The following ROBO1 variants were observed in gnomAD, a reference collection of about 807,000 sequenced individuals.
The protein encoded by ROBO1 is roundabout homolog 1.
In ROBO1, 149 loss-of-function variants were observed where a neutral mutation model predicts 195.9. The ratio of observed to expected loss-of-function variants is 0.76; its 90% CI spans 0.67 to 0.87. The LOEUF is 0.87. ROBO1 is among the 40% of genes least tolerant of loss of function. The probability of loss-of-function intolerance (pLI) is 0.00; values close to 1 mark genes in which losing one functional copy is unlikely to be tolerated. For missense variants in ROBO1, 1,933 were observed against 2,068.3 expected, an observed-to-expected ratio of 0.93 and a Z score of 1.27; for synonymous variants, 816 against 733.2, an observed-to-expected ratio of 1.11 and a Z score of -1.82.
At position 79,434,269 on chromosome 3, in the gene ROBO1, A is replaced by G. The variant is rs575306531; in HGVS notation, c.88+155555T>C. Among the ~76,000 whole-genome samples, 6 of 152,270 alleles carry G rather than the reference A, an allele frequency of 3.9e-5. No individual in the cohort carries two copies. The East Asian group carries it at 1.2e-3, about 29-fold the overall frequency. On this transcript the variant is annotated intron_variant, in intron 2 of 30. Coordinates refer to ENST00000464233, the MANE Select transcript of ROBO1 (RefSeq NM_002941.4). The stretch of plus-strand genomic sequence containing the variant: ...CACAGCAAAAGAAACTATCATCAGA[A>G]TGAACAGGCAACCTACAGAATGGGA...
intron 24 of ROBO1, among the ~76,000 whole-genome samples, chr3:78,632,211 T>A (rs919439775): frequency 1.3e-5 from 2 of 152,224 alleles, no homozygotes; most frequent in African/African-American, 4.8e-5. Context: ...TTTTTAACCC[T>A]ATCCAATCCT....
chr3:79,354,944 G>C (rs2035484037), intron 2 of ROBO1, among the ~76,000 whole-genome samples: 1 of 152,114 alleles, frequency 6.6e-6, no homozygotes. Flanking sequence ...AAGGTGGGTG[G>C]ATCACGAGGT....
At chr3:78,649,255 A>G (rs950920075) in intron 19 of ROBO1, among the ~76,000 whole-genome samples, 5 of 152,148 alleles carry the variant, frequency 3.3e-5, no homozygotes, top group African/African-American at 4.8e-5. Flanking sequence ...TACTTCTCCT[A>G]GCTAACTGCT....
At chr3:79,059,228 C>T (rs554102684) in intron 3 of ROBO1, among the ~76,000 whole-genome samples, 1 of 152,116 alleles carries the variant, frequency 6.6e-6, no homozygotes, top group South Asian at 2.1e-4. Context: ...TATCATTGGA[C>T]ATAACTAAAT....
chr3:78,928,245 C>T (rs758659462), intron 4 of ROBO1, among the ~76,000 whole-genome samples: 3 of 152,110 alleles, frequency 2.0e-5, no homozygotes, highest in Non-Finnish European at 4.4e-5. Flanking sequence ...ACAATGTCCA[C>T]TACAGAAAGG....
Position 78,938,758 on chromosome 3 carries a change from G to T in ROBO1, c.342C>A (p.Asp114Glu). 1 of 1,613,950 alleles carries T rather than the reference G, an allele frequency of 6.2e-7. No homozygotes were observed. The change falls in exon 4 of 31, where the codon GAC becomes GAA. Residue 114 changes from aspartate (D) to glutamate (E), a missense_variant. Asp to Glu is a conservative substitution (Grantham distance 45). Coordinates refer to ENST00000464233, the MANE Select transcript of ROBO1 (RefSeq NM_002941.4). The stretch of plus-strand genomic sequence containing the variant: ...GCAGCAACATTCGGTGTGAGCGAGG[G>T]TCATCTTTGTCTGTCTCCACTCTCT... Reference protein sequence around the residue: ...GGERVETDKDDPRSHRMLLPS... With the variant: ...GGERVETDKDEPRSHRMLLPS...
chr3:78,759,268 A>C (rs2083027255), intron 4 of ROBO1: 1 of 152,324 alleles, frequency 6.6e-6, no homozygotes, highest in East Asian at 1.9e-4. Flanking sequence ...CTCACAGGGG[A>C]AAACATGTAA....
intron 4 of ROBO1, among the ~76,000 whole-genome samples, chr3:78,769,846 G>A (rs551577515): frequency 7.2e-5 from 11 of 152,098 alleles, no homozygotes; most frequent in Non-Finnish European, 1.5e-4. Context: ...GCTTGGTTTC[G>A]CTGGATACAA....
chr3:79,153,979 C>T (rs2080815761), intron 2 of ROBO1, among the ~76,000 whole-genome samples: 1 of 151,474 alleles, frequency 6.6e-6, no homozygotes, highest in South Asian at 2.1e-4. Flanking sequence ...TCGCTAAATA[C>T]CCACTCTTAG....
intron 10 of ROBO1, among the ~76,000 whole-genome samples, chr3:78,674,352 C>T (rs531388840): frequency 1.1e-4 from 16 of 152,162 alleles, no homozygotes; most frequent in African/African-American, 2.7e-4. Flanking sequence ...AAGCTAAAGA[C>T]GAATAGTATC....
intron 3 of ROBO1, among the ~76,000 whole-genome samples, chr3:79,010,849 A>C (rs2077759367): frequency 6.6e-6 from 1 of 152,144 alleles, no homozygotes; most frequent in African/African-American, 2.4e-5. Context: ...ATTTGCATAG[A>C]TATCTGAATG....
chr3:78,847,643 T>TA (rs1164720673), intron 4 of ROBO1, among the ~76,000 whole-genome samples: 7 of 152,312 alleles, frequency 4.6e-5, no homozygotes, highest in African/African-American at 1.7e-4. Context: ...ATTATCTTAT[T>TA]AACCTTAACA....
intron 2 of ROBO1, among the ~76,000 whole-genome samples, chr3:79,298,412 T>C (rs903772309): frequency 7.2e-5 from 11 of 152,170 alleles, no homozygotes; most frequent in African/African-American, 2.7e-4. Flanking sequence ...GATGATAATA[T>C]GCCTCCCCTC....
At chr3:79,223,087 A>C (rs2082169654) in intron 2 of ROBO1, among the ~76,000 whole-genome samples, 2 of 152,094 alleles carry the variant, frequency 1.3e-5, no homozygotes, top group Non-Finnish European at 2.9e-5. Context: ...TTTGAAGCAA[A>C]ATTATGTTTT....
intron 4 of ROBO1, among the ~76,000 whole-genome samples, chr3:78,816,966 C>G (rs2030064148): frequency 7.0e-6 from 1 of 142,802 alleles, no homozygotes; most frequent in Non-Finnish European, 1.5e-5. Context: ...CACATGTACC[C>G]TAGAGCTTAA....
chr3:79,318,827 C>T (rs1218637390), intron 2 of ROBO1, among the ~76,000 whole-genome samples: 2 of 151,994 alleles, frequency 1.3e-5, no homozygotes, highest in Non-Finnish European at 2.9e-5. Context: ...TTCTGAAGGT[C>T]TAAGACAAAG....
intron 2 of ROBO1, among the ~76,000 whole-genome samples, chr3:79,402,560 T>TGCTC (rs1432674971): frequency 1.3e-5 from 2 of 151,940 alleles, no homozygotes; most frequent in Non-Finnish European, 2.9e-5. Context: ...TGAACACATG[T>TGCTC]GCTCACTCTT....
At chr3:79,174,099 T>C (rs1378032234) in intron 2 of ROBO1, among the ~76,000 whole-genome samples, 2 of 152,076 alleles carry the variant, frequency 1.3e-5, no homozygotes, top group East Asian at 1.9e-4. Context: ...AAAAGTAGGC[T>C]GCCTGAGCCA....
chr3:79,559,912 A>G (rs550840570), intron 2 of ROBO1, among the ~76,000 whole-genome samples: 3 of 152,210 alleles, frequency 2.0e-5, no homozygotes, highest in Middle Eastern at 3.4e-3. Flanking sequence ...GTGAGACTCT[A>G]TCTTAAAAGA....
Sources: gnomAD v4.1 joint callset for allele counts (sites outside exome capture counted in the v4.1 genomes callset) on GRCh38, gnomAD v4.1.1 for gene constraint, MANE v1.5 for transcripts, NCBI Gene and HGNC (gene_info 2026-07-23, HGNC 2026-07-21) for gene names.